The following SH3BP5 variants were observed in gnomAD, a reference collection of about 807,000 sequenced individuals.
The protein encoded by SH3BP5 is SH3 domain-binding protein 5.
In SH3BP5, 22 loss-of-function variants were observed where a neutral mutation model predicts 43.3. That is an observed-to-expected ratio of 0.51 (90% confidence interval 0.36 to 0.73). The LOEUF is 0.73. Ranked by LOEUF, SH3BP5 falls within the 30% of genes least tolerant of loss-of-function variation. The pLI is 0.00. For missense variants in SH3BP5, 529 were observed against 586.9 expected (o/e 0.90, Z 1.02); for synonymous variants, 255 against 225.8 (o/e 1.13, Z -1.16).
chr3:15,303,283 G>A (rs1697803273), intron 3 of SH3BP5, among the ~76,000 whole-genome samples: 1 of 152,222 alleles, frequency 6.6e-6, no homozygotes, highest in Non-Finnish European at 1.5e-5. Context: ...GCATCACAGG[G>A]TTGGTGATTC....
chr3:15,304,304 A>G (rs1413971299), intron 2 of SH3BP5, 73 bp from the exon 3 acceptor site: 1 of 1,610,012 alleles, frequency 6.2e-7, no homozygotes, highest in African/African-American at 1.3e-5. Flanking sequence ...CTGGACCTAG[A>G]CAGAAACATC....
chr3:15,261,416 A>T (rs1053041073), intron 5 of SH3BP5, among the ~76,000 whole-genome samples: 1 of 152,182 alleles, frequency 6.6e-6, no homozygotes, highest in Non-Finnish European at 1.5e-5. Context: ...CCTCACTTGC[A>T]TGAGGACTGG....
At chr3:15,289,558 G>C (rs1431937056) in intron 3 of SH3BP5, among the ~76,000 whole-genome samples, 3 of 152,206 alleles carry the variant, frequency 2.0e-5, no homozygotes, top group Non-Finnish European at 4.4e-5. Flanking sequence ...TGTTAGTTGA[G>C]AGACGGAATC....
chr3:15,337,894 G>A, intron 1 of SH3BP5, among the ~76,000 whole-genome samples: 1 of 118,384 alleles, frequency 8.4e-6, no homozygotes, highest in African/African-American at 3.5e-5. Context: ...TAGCCTGGGT[G>A]ACAGAGTGAG....
intron 3 of SH3BP5, among the ~76,000 whole-genome samples, chr3:15,292,563 C>T (rs911485285): frequency 6.6e-6 from 1 of 152,148 alleles, no homozygotes; most frequent in African/African-American, 2.4e-5. Context: ...GAAAAGAAAA[C>T]CTAAGCCAGG....
chr3:15,290,525 CA>C (rs3031239), intron 3 of SH3BP5, among the ~76,000 whole-genome samples: 2,736 of 56,284 alleles, frequency 0.049, 52 homozygotes, highest in East Asian at 0.12. Flanking sequence ...GACTCTGTCC[CA>C]AAAAAAAAAA....
intron 7 of SH3BP5, chr3:15,257,321 T>G (rs934255944): frequency 1.6e-5 from 9 of 565,104 alleles, no homozygotes; most frequent in Non-Finnish European, 2.2e-5. Flanking sequence ...CAGGATCCCA[T>G]GGATATTAAG....
intron 2 of SH3BP5, among the ~76,000 whole-genome samples, chr3:15,323,212 G>A (rs1401464457): frequency 6.6e-6 from 1 of 152,186 alleles, no homozygotes; most frequent in Non-Finnish European, 1.5e-5. Context: ...CAGCAGGCAG[G>A]CCACAGCGCA....
intron 2 of SH3BP5, among the ~76,000 whole-genome samples, chr3:15,329,991 A>G (rs1698569057): frequency 6.6e-6 from 1 of 152,246 alleles, no homozygotes; most frequent in South Asian, 2.1e-4. Flanking sequence ...TACCATTATA[A>G]TTATATTCTA....
At chr3:15,316,634 C>T (rs1698192813) in intron 2 of SH3BP5, among the ~76,000 whole-genome samples, 1 of 151,614 alleles carries the variant, frequency 6.6e-6, no homozygotes, top group African/African-American at 2.4e-5. Flanking sequence ...TTTTGTAGTT[C>T]GTAAGTGTGA....
At chr3:15,284,925 A>AC (rs1350030323) in intron 3 of SH3BP5, among the ~76,000 whole-genome samples, 1 of 152,144 alleles carries the variant, frequency 6.6e-6, no homozygotes, top group African/African-American at 2.4e-5. Context: ...AGTGCCCCAG[A>AC]CCCAGGACCT....
chr3:15,260,130 TATACCCA>T, intron 5 of SH3BP5: 1 of 367,590 alleles, frequency 2.7e-6, no homozygotes. Context: ...CCTCACAGGT[TATACCCA>T]GCAGTAAGGG....
chr3:15,275,561 GA>G (rs1696938949), intron 3 of SH3BP5: 1 of 152,288 alleles, frequency 6.6e-6, no homozygotes, highest in African/African-American at 2.4e-5. Flanking sequence ...GAAACCCAAT[GA>G]GCCAGCGGAA....
intron 3 of SH3BP5, among the ~76,000 whole-genome samples, chr3:15,281,757 C>T (rs890525196): frequency 6.6e-6 from 1 of 152,104 alleles, no homozygotes. Flanking sequence ...AATCCCAGCA[C>T]CTTGGGAGGC....
At chr3:15,287,219 T>C (rs947895580) in intron 3 of SH3BP5, among the ~76,000 whole-genome samples, 1 of 152,244 alleles carries the variant, frequency 6.6e-6, no homozygotes, top group African/African-American at 2.4e-5. Flanking sequence ...GCAAGCATTA[T>C]GTAGCATTAG....
intron 3 of SH3BP5, among the ~76,000 whole-genome samples, chr3:15,273,774 G>A (rs1696882691): frequency 6.6e-6 from 1 of 152,208 alleles, no homozygotes; most frequent in South Asian, 2.1e-4. Context: ...TCTGGTAAGT[G>A]ACAGCTAATG....
chr3:15,280,718 T>C (rs751813622), intron 3 of SH3BP5, among the ~76,000 whole-genome samples: 8 of 152,120 alleles, frequency 5.3e-5, no homozygotes, highest in Non-Finnish European at 1.2e-4. Flanking sequence ...CTCACAGAGC[T>C]CCTCCACTGC....
At chr3:15,333,092 A>G (rs560485554), upstream of SH3BP5, 52 of 985,514 alleles carry the variant, frequency 5.3e-5, no homozygotes, top group South Asian at 2.3e-3. Flanking sequence ...TCCTACCTGA[A>G]TAGCCAGGAG....
rs780493691 is a variant in SH3BP5 at position 15,258,795 on chromosome 3, T to C, written c.889+36A>G. 1.4e-5 allele frequency: 22 copies of C among 1,552,732 alleles called. No individual in the cohort carries two copies. In the South Asian group the frequency reaches 2.3e-4, roughly 17 times the overall value. Reference sequence around the variant, plus strand: ...TTGGGAAACAAATCACACAGTCTGATATCTCCCCACATACCCAGTGGAGCC... The same window carrying C: ...TTGGGAAACAAATCACACAGTCTGACATCTCCCCACATACCCAGTGGAGCC... On this transcript the variant is annotated intron_variant, in intron 7 of 8. Coordinates refer to ENST00000383791, the MANE Select transcript of SH3BP5 (RefSeq NM_004844.5).
Sources: allele counts gnomAD v4.1 joint callset (sites outside exome capture counted in the v4.1 genomes callset), GRCh38; gene constraint gnomAD v4.1.1; transcripts MANE v1.5; gene names NCBI Gene and HGNC (gene_info 2026-07-23, HGNC 2026-07-21).